The following RNLS variants were observed in gnomAD, a reference collection of about 807,000 sequenced individuals.
RNLS encodes renalase.
Under a neutral mutation model 39.8 loss-of-function variants are expected in RNLS, and 39 were observed. The observed-to-expected ratio is 0.98, with a 90% CI of 0.76 to 1.28. The LOEUF is 1.28. Among genes scored for constraint, RNLS ranks in the 50% most tolerant of loss-of-function variants. The pLI, the probability that RNLS is intolerant of heterozygous loss-of-function variation, is 0.00. For missense variants in RNLS, 410 were observed against 413.3 expected (o/e 0.99, Z 0.07); for synonymous variants, 147 against 150.7 (o/e 0.98, Z 0.18).
chr10:88,325,962 C>A (rs929182387), intron 5 of RNLS, among the ~76,000 whole-genome samples: 1 of 152,176 alleles, frequency 6.6e-6, no homozygotes, highest in East Asian at 1.9e-4. Flanking sequence ...CTCTGTCCTG[C>A]CGCCATGTGA....
At chr10:88,419,519 C>T (rs982843271) in intron 4 of RNLS, among the ~76,000 whole-genome samples, 9 of 152,186 alleles carry the variant, frequency 5.9e-5, no homozygotes, top group East Asian at 1.9e-4. Flanking sequence ...TTCCAAGTCA[C>T]GATCTTTATT....
intron 4 of RNLS, among the ~76,000 whole-genome samples, chr10:88,365,746 A>C (rs1405235231): frequency 6.6e-6 from 1 of 151,946 alleles, no homozygotes; most frequent in South Asian, 2.1e-4. Flanking sequence ...CTTTGTGTGC[A>C]TGAGTGGGTT....
the RNLS span, among the ~76,000 whole-genome samples, chr10:88,215,260 C>T: frequency 2.0e-5 from 3 of 152,000 alleles, no homozygotes; most frequent in Admixed American, 2.0e-4. Context: ...GACCAAAGCA[C>T]TTAGATTTAA....
chr10:88,541,272 C>T (rs1050241547), intron 4 of RNLS, among the ~76,000 whole-genome samples: 1 of 152,092 alleles, frequency 6.6e-6, no homozygotes. Flanking sequence ...AGATAACGAT[C>T]GAAAGGAACG....
intron 3 of RNLS, 63 bp from the exon 4 acceptor site, chr10:88,573,124 G>A (rs1322165109): frequency 1.3e-6 from 2 of 1,508,430 alleles, no homozygotes; most frequent in Non-Finnish European, 1.8e-6. Flanking sequence ...AAGGGGATGT[G>A]AGTAGTCACA....
At chr10:88,564,320 C>CAT (rs1345756110) in intron 4 of RNLS, among the ~76,000 whole-genome samples, 31 of 8,080 alleles carry the variant, frequency 3.8e-3, no homozygotes, top group African/African-American at 0.024. Context: ...TGCAAATACA[C>CAT]ACACACACAC....
At chr10:88,241,222 G>C in the RNLS span, among the ~76,000 whole-genome samples, 1 of 149,578 alleles carries the variant, frequency 6.7e-6, no homozygotes, top group Non-Finnish European at 1.5e-5. Context: ...ATTTGTTAGG[G>C]GTTATTATTT....
chr10:88,211,436 C>A, the RNLS span, among the ~76,000 whole-genome samples: 2 of 152,196 alleles, frequency 1.3e-5, no homozygotes, highest in African/African-American at 2.4e-5. Context: ...TAGACATGAT[C>A]ATGCAGAGTG....
chr10:88,514,725 T>C (rs1034970793), intron 4 of RNLS, among the ~76,000 whole-genome samples: 1 of 152,114 alleles, frequency 6.6e-6, no homozygotes, highest in Non-Finnish European at 1.5e-5. Flanking sequence ...TTCATCCATG[T>C]TGCAGCACAT....
intron 4 of RNLS, among the ~76,000 whole-genome samples, chr10:88,446,484 TAG>T (rs1842042782): frequency 6.6e-6 from 1 of 152,008 alleles, no homozygotes; most frequent in Middle Eastern, 3.4e-3. Flanking sequence ...CTGAAGGAGA[TAG>T]AGACACAAAA....
In RNLS at chr10:88,285,499, T is replaced by G. The variant is rs775647474; in HGVS notation, c.884A>C (p.Asn295Thr). ...CQKWRHSQVT[N>T]AAANCPGQMT... ...TTGGCCAGGACAGTTGGCAGCAGCA[T>G]TTGTAACCTGAAAAAGTAAAAAGAG... The change falls in exon 7 of 7, where the codon AAT (asparagine) becomes ACT (threonine). Residue 295 changes from asparagine to threonine, a missense_variant. Asn to Thr is a moderately conservative substitution (Grantham distance 65, BLOSUM62 0). Transcript: ENST00000331772. 13 of 1,612,650 alleles carry G rather than the reference T, an allele frequency of 8.1e-6. No individual in the cohort carries two copies. The highest frequency in any genetic ancestry group is 1.0e-5 in the Non-Finnish European group (12 of 1,179,178).
the RNLS span, among the ~76,000 whole-genome samples, chr10:88,205,913 A>C: frequency 6.6e-6 from 1 of 152,144 alleles, no homozygotes; most frequent in African/African-American, 2.4e-5. Context: ...ATAGGATTCC[A>C]GGGCTGCTTT....
At chr10:88,352,933 G>T (rs1362119688) in intron 5 of RNLS, among the ~76,000 whole-genome samples, 1 of 152,198 alleles carries the variant, frequency 6.6e-6, no homozygotes, top group Non-Finnish European at 1.5e-5. Context: ...TCTTAGGAAG[G>T]TGTATGTGTC....
chr10:88,263,329 G>A, the RNLS span, among the ~76,000 whole-genome samples: 1 of 151,942 alleles, frequency 6.6e-6, no homozygotes, highest in African/African-American at 2.4e-5. Flanking sequence ...GAACAATTTT[G>A]TTACCTAAAA....
Position 88,402,269 on chromosome 10 carries a change from G to A in RNLS, c.527-39544C>T, listed in dbSNP as rs892721079. 4.6e-5 allele frequency among the ~76,000 whole-genome samples: 7 copies of A among 151,822 alleles called. 1 individual carries two copies. The highest frequency in any genetic ancestry group is 1.5e-5 in the Non-Finnish European group (1 of 67,940). On this transcript the variant is annotated intron_variant, in intron 4 of 6. Coordinates refer to ENST00000331772, the MANE Select transcript of RNLS (RefSeq NM_001031709.3). ...AGGCATTATAAGACAAAATAGAAAG[G>A]GCAGAATAACTTCTCTACAGATGAT...
intron 5 of RNLS, among the ~76,000 whole-genome samples, chr10:88,317,008 A>T (rs1845812568): frequency 6.6e-6 from 1 of 152,186 alleles, no homozygotes; most frequent in Admixed American, 6.5e-5. Context: ...TGTTAATAGG[A>T]TCTAGAGCAT....
At chr10:88,383,337 T>C (rs1326906131) in intron 4 of RNLS, among the ~76,000 whole-genome samples, 5 of 152,120 alleles carry the variant, frequency 3.3e-5, no homozygotes, top group Admixed American at 1.3e-4. Flanking sequence ...TCCTACAGAC[T>C]GTTAATGTTT....
chr10:88,394,123 T>C (rs1442614961), intron 4 of RNLS, among the ~76,000 whole-genome samples: 5 of 152,184 alleles, frequency 3.3e-5, no homozygotes, highest in African/African-American at 9.7e-5. Flanking sequence ...ATTAAGGACA[T>C]AGGCATGGGC....
chr10:88,416,841 G>C lies in RNLS; in HGVS notation c.527-54116C>G, dbSNP rs114818112. On this transcript the variant is annotated intron_variant, in intron 4 of 6. Transcript: ENST00000331772. ...CAATGCAGTTGCTGAATGACTGACT[G>C]AATTCTTGGAAACCCAGGAAACAGA... 2.2e-3 allele frequency among the ~76,000 whole-genome samples: 341 copies of C among 152,258 alleles called. 3 individuals carry two copies. The highest frequency in any genetic ancestry group is 6.8e-3 in the African/African-American group (282 of 41,544).
Sources: allele counts gnomAD v4.1 joint callset (sites outside exome capture counted in the v4.1 genomes callset), GRCh38; gene constraint gnomAD v4.1.1; transcripts MANE v1.5; gene names NCBI Gene and HGNC (gene_info 2026-07-23, HGNC 2026-07-21).